The following IL1R1 variants were observed in gnomAD, a reference collection of about 807,000 sequenced individuals.
The protein encoded by IL1R1 is interleukin-1 receptor type 1.
IL1R1 carries 22 observed loss-of-function variants against 50.2 expected under a neutral mutation model. The observed-to-expected ratio is 0.44, with a 90% CI of 0.31 to 0.63. The LOEUF (loss-of-function observed/expected upper bound fraction) is 0.63. IL1R1 is among the 20% of genes least tolerant of loss of function. The probability of loss-of-function intolerance (pLI) is 0.07; values close to 1 mark genes in which losing one functional copy is unlikely to be tolerated. For synonymous variants in IL1R1, 251 were observed against 236.7 expected (o/e 1.06, Z -0.55); for missense variants, 509 against 676.2 (o/e 0.75, Z 2.74).
chr2:102,152,776 G>T (rs1683807691), intron 1 of IL1R1, among the ~76,000 whole-genome samples: 1 of 152,152 alleles, frequency 6.6e-6, no homozygotes, highest in Non-Finnish European at 1.5e-5. Context: ...TTTCTGCTAT[G>T]ATGTGATTCC....
At chr2:102,141,118 C>T (rs1177756777), upstream of IL1R1, among the ~76,000 whole-genome samples, 1 of 152,176 alleles carries the variant, frequency 6.6e-6, no homozygotes, top group African/African-American at 2.4e-5. Context: ...AGCATGGAGC[C>T]AGGCCCACCT....
At chr2:102,096,937 G>A (rs943493448) in intron 1 of IL1R1, among the ~76,000 whole-genome samples, 1 of 147,062 alleles carries the variant, frequency 6.8e-6, no homozygotes, top group Non-Finnish European at 1.5e-5. Flanking sequence ...CTCAGCATAT[G>A]CTTTGCCTGT....
At chr2:102,107,508 G>A (rs550350822) in intron 1 of IL1R1, among the ~76,000 whole-genome samples, 1 of 151,924 alleles carries the variant, frequency 6.6e-6, no homozygotes, top group African/African-American at 2.4e-5. Flanking sequence ...GGGAGGAGGG[G>A]GGAGGGATAA....
chr2:102,157,948 A>C (rs1684347177), intron 3 of IL1R1, among the ~76,000 whole-genome samples, 163 bp downstream of exon 3: 1 of 152,180 alleles, frequency 6.6e-6, no homozygotes, highest in African/African-American at 2.4e-5. Context: ...AGTTCCTCTC[A>C]GCATCTTCGT....
rs749132612 is a variant in IL1R1, at chr2:102,175,548, C to T, written c.1206C>T (p.Asp402=). ...CTGTTGGGGAAGGGTCTACCTCTGA[C>T]TGTGATATTTTTGTGTTTAAAGTCT... ...PKTVGEGSTS[D]CDIFVFKVLP... is the part of the protein sequence containing the mutation. The change falls in exon 11 of 12, where the codon GAC becomes GAT. Residue 402 remains aspartate, a synonymous_variant. Coordinates refer to ENST00000410023, the MANE Select transcript of IL1R1 (RefSeq NM_000877.4). 2 of 1,613,342 alleles carry T rather than the reference C, an allele frequency of 1.2e-6. No individual in the cohort carries two copies. The highest frequency in any genetic ancestry group is 1.7e-6 in the Non-Finnish European group (2 of 1,179,362).
chr2:102,087,121 C>T (rs1363160528), intron 1 of IL1R1, among the ~76,000 whole-genome samples: 1 of 151,862 alleles, frequency 6.6e-6, no homozygotes, highest in African/African-American at 2.4e-5. Context: ...AGCTTTATGT[C>T]TAAAAAACAA....
chr2:102,108,987 T>A (rs952501485), intron 1 of IL1R1, among the ~76,000 whole-genome samples: 6 of 133,630 alleles, frequency 4.5e-5, no homozygotes, highest in African/African-American at 8.2e-5. Flanking sequence ...ATAATAATAA[T>A]AAAAGCTAAT....
At chr2:102,102,006 G>A (rs970692751), upstream of IL1R1, among the ~76,000 whole-genome samples, 3 of 152,174 alleles carry the variant, frequency 2.0e-5, no homozygotes, top group Admixed American at 6.5e-5. Flanking sequence ...TGGCGTGTGT[G>A]TTCACACAGG....
intron 10 of IL1R1, 106 bp from the exon 11 acceptor site, chr2:102,175,371 TA>T (rs1686036412): frequency 1.2e-5 from 10 of 840,062 alleles, no homozygotes; most frequent in East Asian, 2.4e-5. Flanking sequence ...TGCCATTGTA[TA>T]AAAAAAGATG....
intron 1 of IL1R1, among the ~76,000 whole-genome samples, chr2:102,074,445 A>G (rs909732079): frequency 1.1e-5 from 1 of 91,336 alleles, no homozygotes; most frequent in Non-Finnish European, 2.0e-5. Context: ...GTCTTTCTGC[A>G]TTCTCTCCAG....
intron 1 of IL1R1, among the ~76,000 whole-genome samples, chr2:102,111,207 C>T (rs145179751): frequency 5.3e-5 from 8 of 152,214 alleles, no homozygotes; most frequent in Admixed American, 2.6e-4. Context: ...GAAGATGGTG[C>T]CAAGGTCTGT....
chr2:102,074,343 G>T (rs1236338409), intron 1 of IL1R1, among the ~76,000 whole-genome samples: 5 of 152,172 alleles, frequency 3.3e-5, no homozygotes, highest in Non-Finnish European at 7.4e-5. Context: ...CACGTCTGGT[G>T]CTTTGGTGAG....
At chr2:102,097,443 T>C (rs1397815866) in intron 1 of IL1R1, among the ~76,000 whole-genome samples, 2 of 152,230 alleles carry the variant, frequency 1.3e-5, no homozygotes, top group African/African-American at 4.8e-5. Flanking sequence ...ATCCTTGCAA[T>C]AATCTCTTAA....
intron 1 of IL1R1, among the ~76,000 whole-genome samples, chr2:102,123,253 A>T (rs970047173): frequency 7.2e-5 from 11 of 152,206 alleles, no homozygotes; most frequent in African/African-American, 2.4e-4. Context: ...TATCTTTATT[A>T]TCTGTGAAAT....
intron 7 of IL1R1, among the ~76,000 whole-genome samples, chr2:102,169,942 A>C (rs1685529778): frequency 6.6e-6 from 1 of 152,162 alleles, no homozygotes; most frequent in African/African-American, 2.4e-5. Context: ...GGAGTACCAC[A>C]AACCATGTAA....
intron 1 of IL1R1, among the ~76,000 whole-genome samples, chr2:102,118,181 G>C (rs1345806969): frequency 6.6e-6 from 1 of 152,060 alleles, no homozygotes; most frequent in African/African-American, 2.4e-5. Flanking sequence ...GGAAGACCTG[G>C]AGGCTGGAGA....
chr2:102,164,758 C>T lies in IL1R1; in HGVS notation c.62-16C>T. ...GATTTTTATGTAAATTGCTTCCACC[C>T]TTCTTCCTTTTAAAGATAAATGCAA... is the stretch of plus-strand genomic sequence containing the variant. On this transcript the variant is annotated splice_polypyrimidine_tract_variant and intron_variant, in intron 3 of 11. Transcript: ENST00000410023. 4 of 1,580,172 alleles carry T rather than the reference C, an allele frequency of 2.5e-6. No homozygotes were observed. Among genetic ancestry groups the T allele is most frequent in the Non-Finnish European group, 3.5e-6 (4 of 1,151,340 alleles).
At chr2:102,145,727 G>A (rs1035753037) in intron 1 of IL1R1, among the ~76,000 whole-genome samples, 12 of 152,216 alleles carry the variant, frequency 7.9e-5, no homozygotes, top group African/African-American at 2.9e-4. Context: ...TGAATGTGGA[G>A]GGAAGCCTGA....
chr2:102,170,525 C>A (rs1321107885), intron 7 of IL1R1, among the ~76,000 whole-genome samples: 1 of 152,130 alleles, frequency 6.6e-6, no homozygotes, highest in Non-Finnish European at 1.5e-5. Context: ...AGAATTAATT[C>A]TGTATAAATT....
Sources: gnomAD v4.1 joint callset for allele counts (sites outside exome capture counted in the v4.1 genomes callset) on GRCh38, gnomAD v4.1.1 for gene constraint, MANE v1.5 for transcripts, NCBI Gene and HGNC (gene_info 2026-07-23, HGNC 2026-07-21) for gene names.